Variants in RANGAP1 observed in about 807,000 individuals in gnomAD.
RANGAP1 encodes Ran GTPase activating protein 1.
A neutral mutation model predicts 63.5 loss-of-function variants in RANGAP1; 38 were observed. The observed-to-expected ratio is 0.60, with a 90% CI of 0.46 to 0.78. The LOEUF (loss-of-function observed/expected upper bound fraction) is 0.78. RANGAP1 is among the 30% of genes least tolerant of loss of function. The pLI, the probability that RANGAP1 is intolerant of heterozygous loss-of-function variation, is 0.00. For synonymous variants in RANGAP1, 329 were observed against 310.5 expected, an observed-to-expected ratio of 1.06 and a Z score of -0.63; for missense variants, 630 against 740.3, an observed-to-expected ratio of 0.85 and a Z score of 1.73.
At chr22:41,253,016 C>T in intron 11 of RANGAP1, 25 bp from the exon 12 acceptor site, 2 of 1,427,108 alleles carry the variant, frequency 1.4e-6, no homozygotes, top group Non-Finnish European at 1.8e-6. Context: ...CACAGAGGCT[C>T]TGGAGAATTC....
chr22:41,291,725 C>T, the RANGAP1 span, among the ~76,000 whole-genome samples: 16 of 151,448 alleles, frequency 1.1e-4, no homozygotes, highest in African/African-American at 3.9e-4. Context: ...GGTGAAACCC[C>T]GTCTCTACTA....
Position 41,252,993 on chromosome 22 carries a change from T to G in RANGAP1, c.1261-2A>C, listed in dbSNP as rs2145695345. ...GGAGGACAGCACGGGAGCTGGCTCC[T>G]GGGAAGTAGGGGCACAGAGGCTCTG... is the stretch of plus-strand genomic sequence containing the variant. On this transcript the variant is annotated splice_acceptor_variant, in intron 11 of 15. Coordinates refer to ENST00000356244, the MANE Select transcript of RANGAP1 (RefSeq NM_002883.4). LOFTEE classifies it high-confidence loss of function. 6.8e-7 allele frequency: 1 copy of G among 1,479,198 alleles called. No individual in the cohort carries two copies. The highest frequency in any genetic ancestry group is 9.0e-7 in the Non-Finnish European group (1 of 1,115,678). The allele number at this position is 1,479,198 out of a possible 1,614,324, so 91.6% of individuals were successfully genotyped here. A position where few individuals can be genotyped will look rare whatever the true frequency, so the allele number is the denominator to read the frequency against.
Position 41,257,590 on chromosome 22 carries a change from A to G in RANGAP1, c.774+358T>C, listed in dbSNP as rs2033916997. Among the ~76,000 whole-genome samples the G allele has an allele frequency of 6.6e-6, 1 of 152,252 alleles. No individual in the cohort carries two copies. The highest frequency in any genetic ancestry group is 2.4e-5 in the African/African-American group (1 of 41,472). On this transcript the variant is annotated intron_variant, in intron 7 of 15. Coordinates refer to ENST00000356244, the MANE Select transcript of RANGAP1 (RefSeq NM_002883.4). The surrounding 1 kb of genome is among the most constrained non-coding windows in gnomAD (Gnocchi z 4.0). ...CAGTAAGATTCCGTCTCAAAAAGTG[A>G]TAATAAATAACAAAACAAACAACAG... is the stretch of plus-strand genomic sequence containing the variant.
chr22:41,268,191 G>A, intron 3 of RANGAP1, 35 bp from the exon 4 acceptor site: 1 of 1,470,208 alleles, frequency 6.8e-7, no homozygotes, highest in South Asian at 1.2e-5. Context: ...TAGCGGGAGA[G>A]AGACCCCTGG....
rs1039936997 is a variant in RANGAP1, at chr22:41,261,518, G to A, written c.543C>T (p.Ala181=). Residue 181 remains alanine, a synonymous_variant, in exon 6 of 16, where the codon GCC becomes GCT. Transcript: ENST00000356244. ...RKSSAQGKPL[A]LKVFVAGRNR... Reference sequence around the variant, plus strand: ...TTCTGCCAGCCACAAAGACCTTCAGGGCCAGAGGCTTGCCTTGGGCACTGG... The same window carrying A: ...TTCTGCCAGCCACAAAGACCTTCAGAGCCAGAGGCTTGCCTTGGGCACTGG... 2 of 1,614,248 alleles carry A rather than the reference G, an allele frequency of 1.2e-6. No homozygotes were observed. Among genetic ancestry groups the A allele is most frequent in the Non-Finnish European group, 8.5e-7 (1 of 1,180,052 alleles).
intron 3 of RANGAP1, among the ~76,000 whole-genome samples, chr22:41,269,721 G>A (rs1287860187): frequency 4.5e-5 from 6 of 134,666 alleles, no homozygotes; most frequent in African/African-American, 8.3e-5. Flanking sequence ...CAGCCTGGGC[G>A]ACACAGAAAG....
intron 2 of RANGAP1, 125 bp from the exon 3 acceptor site, chr22:41,274,852 G>T: frequency 1.6e-6 from 2 of 1,231,452 alleles, no homozygotes; most frequent in Non-Finnish European, 2.3e-6. Flanking sequence ...ATGAGCCTTG[G>T]CTTACAGAGA....
upstream of RANGAP1, among the ~76,000 whole-genome samples, chr22:41,290,636 C>CT (rs570257999): frequency 6.6e-6 from 1 of 152,168 alleles, no homozygotes; most frequent in South Asian, 2.1e-4. Context: ...GTTGTGCAGC[C>CT]TTTTTTTGTT....
At position 41,256,193 on chromosome 22, in the gene RANGAP1, T is replaced by C. The variant is rs754145010; in HGVS notation, c.986A>G (p.Asn329Ser). ...AGAGGCCTCCCCCATCCGACTACCATTCAGGTCCAGCTTCTCCAGCTCAGC... is the reference window on the plus strand; with the variant it reads ...AGAGGCCTCCCCCATCCGACTACCACTCAGGTCCAGCTTCTCCAGCTCAGC... ...DKAELEKLDL[N>S]GNTLGEEGCE... is the part of the protein sequence containing the mutation. Residue 329 changes from asparagine (N) to serine (S), a missense_variant and splice_region_variant, in exon 9 of 16, where the codon AAT becomes AGT. By Grantham distance (46) the Asn-to-Ser change is conservative. Coordinates refer to ENST00000356244, the MANE Select transcript of RANGAP1 (RefSeq NM_002883.4). The C allele has an allele frequency of 2.0e-5, 32 of 1,613,928 alleles. No individual in the cohort carries two copies. The highest frequency in any genetic ancestry group is 2.7e-5 in the Non-Finnish European group (32 of 1,179,958).
At chr22:41,261,710 C>G (rs1287125758) in intron 5 of RANGAP1, 130 bp from the exon 6 acceptor site, 1 of 1,059,646 alleles carries the variant, frequency 9.4e-7, no homozygotes, top group African/African-American at 1.6e-5. Context: ...CGCAGGACTG[C>G]TAACAGCTCA....
intron 5 of RANGAP1, among the ~76,000 whole-genome samples, chr22:41,263,931 A>C (rs901989747): frequency 5.3e-5 from 8 of 152,226 alleles, no homozygotes; most frequent in Non-Finnish European, 1.2e-4. Context: ...ATGTGGAAAA[A>C]CTGGGATGGC....
Position 41,245,077 on chromosome 22 carries a change from T to A in RANGAP1, c.*1526A>T, listed in dbSNP as rs1207766594. Among the ~76,000 whole-genome samples, 2 of 152,244 alleles carry A rather than the reference T, an allele frequency of 1.3e-5. No individual in the cohort carries two copies. The highest frequency in any genetic ancestry group is 2.9e-5 in the Non-Finnish European group (2 of 68,048). On this transcript the variant is annotated 3_prime_UTR_variant, in exon 16 of 16. Coordinates refer to ENST00000356244, the MANE Select transcript of RANGAP1 (RefSeq NM_002883.4). Reference sequence around the variant, plus strand: ...CGTTGTAGCTGGCATCAGAACTTAATGCCAGCCCCACACCCACCCCCTACC... The same window carrying A: ...CGTTGTAGCTGGCATCAGAACTTAAAGCCAGCCCCACACCCACCCCCTACC...
intron 3 of RANGAP1, among the ~76,000 whole-genome samples, chr22:41,270,333 T>C (rs992801305): frequency 6.6e-6 from 1 of 152,028 alleles, no homozygotes; most frequent in African/African-American, 2.4e-5. Context: ...TAAGTAGAGA[T>C]GGGGTTTCAC....
Position 41,252,928 on chromosome 22 carries a change from A to G in RANGAP1, c.1324T>C (p.Ser442Pro). The G allele has an allele frequency of 1.3e-6, 2 of 1,562,712 alleles. No individual in the cohort carries two copies. The highest frequency in any genetic ancestry group is 2.3e-5 in the South Asian group (2 of 85,736). ...CCTAGGCGCAGCAGCTTCTCTGGAG[A>G]GGGAAAAGCCAGGAAGGTGGAGACG... ...ADVSTFLAFP[S>P]PEKLLRLGPK... is the part of the protein sequence containing the mutation. Residue 442 changes from serine to proline, a missense_variant, in exon 12 of 16, where the codon TCT (serine) becomes CCT (proline). Coordinates refer to ENST00000356244, the MANE Select transcript of RANGAP1 (RefSeq NM_002883.4).
chr22:41,288,714 G>T (rs1881147801), upstream of RANGAP1, among the ~76,000 whole-genome samples: 1 of 152,054 alleles, frequency 6.6e-6, no homozygotes, highest in South Asian at 2.1e-4. Context: ...GAACTGGAAG[G>T]GAATTCTTAG....
chr22:41,281,578 CTG>C (rs2145850177), intron 1 of RANGAP1: 1 of 988,460 alleles, frequency 1.0e-6, no homozygotes, highest in South Asian at 4.7e-5. Context: ...TGGCATGACT[CTG>C]GGGTGGGGCA....
At chr22:41,272,973 G>A (rs935717032) in intron 3 of RANGAP1, among the ~76,000 whole-genome samples, 2 of 152,016 alleles carry the variant, frequency 1.3e-5, no homozygotes, top group African/African-American at 2.4e-5. Context: ...CCACCATGCC[G>A]GGCTAATTTT....
upstream of RANGAP1, among the ~76,000 whole-genome samples, chr22:41,287,683 A>G (rs2035786585): frequency 6.6e-6 from 1 of 152,002 alleles, no homozygotes; most frequent in African/African-American, 2.4e-5. Flanking sequence ...AGAAAAAAAA[A>G]AAAAGTTAAA....
At chr22:41,286,965 C>T (rs1289200396), upstream of RANGAP1, among the ~76,000 whole-genome samples, 1 of 152,082 alleles carries the variant, frequency 6.6e-6, no homozygotes, top group Non-Finnish European at 1.5e-5. Context: ...GAACTGTTGC[C>T]GATTACAGGA....
Sources: gnomAD v4.1 joint callset for allele counts (sites outside exome capture counted in the v4.1 genomes callset) on GRCh38, gnomAD v4.1.1 for gene constraint, Gnocchi (gnomAD v3.1) non-coding constraint, MANE v1.5 for transcripts, NCBI Gene and HGNC (gene_info 2026-07-23, HGNC 2026-07-21) for gene names.